Variants in ANKRD45 observed in about 807,000 individuals in gnomAD.
ANKRD45 encodes ankyrin repeat domain 45, also known as ankyrin repeat domain-containing protein 45.
Under a neutral mutation model 28.1 loss-of-function variants are expected in ANKRD45, and 21 were observed. The ratio of observed to expected loss-of-function variants is 0.75; its 90% confidence interval spans 0.53 to 1.08. The LOEUF (loss-of-function observed/expected upper bound fraction) is 1.08. ANKRD45 is among the 50% of genes least tolerant of loss of function. The pLI is 0.00. For synonymous variants in ANKRD45, 86 were observed against 103.9 expected, an observed-to-expected ratio of 0.83 and a Z score of 1.05; for missense variants, 261 against 308.7, an observed-to-expected ratio of 0.85 and a Z score of 1.16.
At chr1:173,648,683 A>T (rs993459958) in intron 2 of ANKRD45, among the ~76,000 whole-genome samples, 1 of 152,192 alleles carries the variant, frequency 6.6e-6, no homozygotes, top group Non-Finnish European at 1.5e-5. Context: ...ATCAAGTCCT[A>T]AAAGACTATA....
the ANKRD45 span, among the ~76,000 whole-genome samples, chr1:173,697,309 A>C: frequency 1.3e-5 from 2 of 152,218 alleles, no homozygotes; most frequent in Non-Finnish European, 2.9e-5. Context: ...CAGGAAATTC[A>C]GAGAACACCA....
At position 173,612,319 on chromosome 1, in the gene ANKRD45, A is replaced by AGAAGGAAGGAAGGAAGGAAGGAAG. The variant is rs200258529; in HGVS notation, c.731-2128_731-2105dup. ...AAGAAGGAAAGAAGGAAGGAAGGAA[A>AGAAGGAAGGAAGGAAGGAAGGAAG]GAAGGAAGGAAGGAAGGAAGGAAGG... On this transcript the variant is annotated intron_variant, in intron 5 of 5. Transcript: ENST00000333279. Among the ~76,000 whole-genome samples the AGAAGGAAGGAAGGAAGGAAGGAAG allele has an allele frequency of 2.9e-3, 380 of 130,318 alleles. 8 individuals carry two copies. The highest frequency in any genetic ancestry group is 0.022 in the Middle Eastern group (6 of 268). The allele number at this position is 130,318 out of a possible 152,430, so 85.5% of individuals were successfully genotyped here.
At chr1:173,704,102 G>A in the ANKRD45 span, among the ~76,000 whole-genome samples, 3 of 152,212 alleles carry the variant, frequency 2.0e-5, no homozygotes, top group African/African-American at 4.8e-5. Context: ...ATGTCCCGCG[G>A]TGGGGAGGCC....
chr1:173,659,434 C>T lies in ANKRD45; in HGVS notation c.-15-1G>A, dbSNP rs765123835. 13 of 1,506,080 alleles carry T rather than the reference C, an allele frequency of 8.6e-6. No homozygotes were observed. The highest frequency in any genetic ancestry group is 2.3e-5 in the Admixed American group (1 of 43,070). The allele number at this position is 1,506,080 out of a possible 1,614,324, so 93.3% of individuals were successfully genotyped here. On this transcript the variant is annotated splice_acceptor_variant, in intron 1 of 5. Transcript: ENST00000333279. LOFTEE classifies it low-confidence loss of function (5UTR_SPLICE). ...CTGACTCCATTAACTCCAAAAATAC[C>T]TATGACCAAAAAAATAAAAAAGTGA...
At chr1:173,678,345 C>T in the ANKRD45 span, among the ~76,000 whole-genome samples, 1 of 152,186 alleles carries the variant, frequency 6.6e-6, no homozygotes, top group East Asian at 1.9e-4. Context: ...TGAAGCAGCA[C>T]ATCAGAAAGC....
At chr1:173,650,334 A>T (rs1373946237) in intron 2 of ANKRD45, among the ~76,000 whole-genome samples, 1 of 152,114 alleles carries the variant, frequency 6.6e-6, no homozygotes, top group African/African-American at 2.4e-5. Flanking sequence ...CAATTCCCAC[A>T]TATGAGTGAG....
chr1:173,691,396 C>A, the ANKRD45 span, among the ~76,000 whole-genome samples: 15 of 152,120 alleles, frequency 9.9e-5, no homozygotes, highest in African/African-American at 3.6e-4. Flanking sequence ...TAATCACAGG[C>A]GAGCCCCCAA....
At chr1:173,672,284 C>T (rs1670284183), upstream of ANKRD45, among the ~76,000 whole-genome samples, 1 of 152,184 alleles carries the variant, frequency 6.6e-6, no homozygotes, top group African/African-American at 2.4e-5. Context: ...GAAGCTTGCT[C>T]CTGCAGTCAC....
intron 3 of ANKRD45, among the ~76,000 whole-genome samples, chr1:173,645,304 C>G (rs1009228462): frequency 6.6e-6 from 1 of 152,166 alleles, no homozygotes; most frequent in Non-Finnish European, 1.5e-5. Context: ...CCACTACCAG[C>G]TGAAACTTCC....
At chr1:173,694,564 ATTATTATT>A in the ANKRD45 span, among the ~76,000 whole-genome samples, 1 of 147,844 alleles carries the variant, frequency 6.8e-6, no homozygotes, top group South Asian at 2.1e-4. Context: ...TATTATTATT[ATTATTATT>A]ATTTCAATAG....
chr1:173,667,579 G>A (rs967014191), intron 1 of ANKRD45: 10 of 250,350 alleles, frequency 4.0e-5, no homozygotes, highest in East Asian at 1.4e-4. Context: ...AGTGGCAGGC[G>A]CCTGTAGTCC....
the ANKRD45 span, among the ~76,000 whole-genome samples, chr1:173,713,417 T>G: frequency 1.3e-5 from 2 of 151,680 alleles, no homozygotes; most frequent in Non-Finnish European, 2.9e-5. Context: ...ATAATTACAG[T>G]CCTTCCCCAA....
chr1:173,648,980 G>A (rs1021237089), intron 2 of ANKRD45, among the ~76,000 whole-genome samples: 1 of 152,126 alleles, frequency 6.6e-6, no homozygotes, highest in Non-Finnish European at 1.5e-5. Flanking sequence ...TAAAATCCAT[G>A]CTCTTAACCA....
chr1:173,697,195 G>A, the ANKRD45 span, among the ~76,000 whole-genome samples: 3 of 152,194 alleles, frequency 2.0e-5, no homozygotes, highest in South Asian at 2.1e-4. Context: ...TTTGATTGGT[G>A]TACCTGAAAG....
rs1667716590 is a variant in ANKRD45, at chr1:173,621,790, T to C, written c.730+2997A>G. ...CCCACCATGCCTATTCGACATAGTA[T>C]TGGAAATTCTGGCTAGGGAAATCAG... On this transcript the variant is annotated intron_variant, in intron 5 of 5. Coordinates refer to ENST00000333279, the MANE Select transcript of ANKRD45 (RefSeq NM_198493.3). 2.6e-5 allele frequency among the ~76,000 whole-genome samples: 4 copies of C among 152,112 alleles called. No individual in the cohort carries two copies. The South Asian group carries it at 8.3e-4, about 32-fold the overall frequency.
the ANKRD45 span, among the ~76,000 whole-genome samples, chr1:173,700,801 C>A: frequency 3.3e-5 from 5 of 152,272 alleles, no homozygotes; most frequent in South Asian, 8.3e-4. Flanking sequence ...GCAATGGCAA[C>A]AAAAGCCAAA....
At chr1:173,697,958 G>A in the ANKRD45 span, among the ~76,000 whole-genome samples, 2 of 151,204 alleles carry the variant, frequency 1.3e-5, no homozygotes, top group Non-Finnish European at 2.9e-5. Context: ...TCAAAATAAA[G>A]GGATGGAGGA....
chr1:173,613,119 C>A (rs1390758128), intron 5 of ANKRD45, among the ~76,000 whole-genome samples: 1 of 151,864 alleles, frequency 6.6e-6, no homozygotes, highest in African/African-American at 2.4e-5. Context: ...CGCCTCTTCC[C>A]GGCCGCCATC....
At chr1:173,689,700 G>A in the ANKRD45 span, among the ~76,000 whole-genome samples, 4 of 151,972 alleles carry the variant, frequency 2.6e-5, no homozygotes, top group African/African-American at 9.7e-5. Flanking sequence ...AAGATTTCGA[G>A]TTCAGGGTAC....
Sources: gnomAD v4.1 joint callset for allele counts (sites outside exome capture counted in the v4.1 genomes callset) on GRCh38, gnomAD v4.1.1 for gene constraint, MANE v1.5 for transcripts, NCBI Gene and HGNC (gene_info 2026-07-23, HGNC 2026-07-21) for gene names.